TMEM132D: variants seen among roughly 807,000 people sequenced by gnomAD.
TMEM132D encodes the protein transmembrane protein 132D.
Under a neutral mutation model 62.3 loss-of-function variants are expected in TMEM132D, and 21 were observed. The observed-to-expected ratio is 0.34, with a 90% CI of 0.24 to 0.49. The LOEUF (loss-of-function observed/expected upper bound fraction) is 0.49, where lower values mean the gene tolerates loss of function less well. Among genes scored for constraint, TMEM132D ranks in the 20% least tolerant of loss-of-function variants. The probability of loss-of-function intolerance (pLI) is 0.99; values close to 1 mark genes in which losing one functional copy is unlikely to be tolerated. For synonymous variants in TMEM132D, 621 were observed against 575.6 expected (o/e 1.08, Z -1.13); for missense variants, 1,346 against 1,402.8 (o/e 0.96, Z 0.65).
intron 1 of TMEM132D, among the ~76,000 whole-genome samples, chr12:129,729,582 C>T (rs531304022): frequency 4.5e-4 from 69 of 152,132 alleles, no homozygotes; most frequent in Middle Eastern, 6.8e-3. Context: ...TCTGAGTCTG[C>T]GACATCTGCC....
intron 1 of TMEM132D, among the ~76,000 whole-genome samples, chr12:129,850,822 C>T (rs1232401144): frequency 6.6e-6 from 1 of 152,124 alleles, no homozygotes; most frequent in Non-Finnish European, 1.5e-5. Context: ...TTATGCAATG[C>T]CACACACACT....
chr12:129,479,316 A>T (rs767001990), intron 3 of TMEM132D, among the ~76,000 whole-genome samples: 1 of 152,132 alleles, frequency 6.6e-6, no homozygotes, highest in Non-Finnish European at 1.5e-5. Flanking sequence ...AAATTTAAGG[A>T]TCCTGGGCTA....
At chr12:129,610,024 C>T (rs1455288034) in intron 2 of TMEM132D, among the ~76,000 whole-genome samples, 2 of 152,166 alleles carry the variant, frequency 1.3e-5, no homozygotes, top group Non-Finnish European at 2.9e-5. Context: ...AATCCCAACG[C>T]TTTGGGAGAC....
At chr12:129,878,654 G>T (rs565453116) in intron 1 of TMEM132D, among the ~76,000 whole-genome samples, 1 of 151,032 alleles carries the variant, frequency 6.6e-6, no homozygotes, top group Non-Finnish European at 1.5e-5. Flanking sequence ...TCAGCTCATT[G>T]CAACCTCCAC....
At chr12:129,108,126 C>T (rs890604732) in intron 5 of TMEM132D, among the ~76,000 whole-genome samples, 3 of 152,130 alleles carry the variant, frequency 2.0e-5, no homozygotes, top group Admixed American at 2.0e-4. Flanking sequence ...TGAAAATGTG[C>T]CAGACACTTA....
intron 1 of TMEM132D, among the ~76,000 whole-genome samples, chr12:129,833,487 T>G (rs1230702025): frequency 6.6e-6 from 1 of 152,036 alleles, no homozygotes; most frequent in African/African-American, 2.4e-5. Flanking sequence ...CAGCCAGCTG[T>G]GGTGGTGTGC....
At chr12:129,438,598 C>T in intron 3 of TMEM132D, among the ~76,000 whole-genome samples, 1 of 152,118 alleles carries the variant, frequency 6.6e-6, no homozygotes, top group East Asian at 1.9e-4. Context: ...GGTCGGGATA[C>T]TTCTTTTCCT....
chr12:129,683,092 A>G (rs1880825116), intron 2 of TMEM132D: 1 of 152,088 alleles, frequency 6.6e-6, no homozygotes, highest in East Asian at 1.9e-4. Flanking sequence ...ATGTTAAATA[A>G]AGAAAATATT....
intron 3 of TMEM132D, among the ~76,000 whole-genome samples, chr12:129,526,482 A>C (rs776480156): frequency 3.3e-5 from 5 of 152,018 alleles, no homozygotes; most frequent in Non-Finnish European, 7.4e-5. Flanking sequence ...ACGGGGTTTC[A>C]CCATATTGGC....
At chr12:129,220,944 A>G (rs1438907280) in intron 4 of TMEM132D, among the ~76,000 whole-genome samples, 6 of 151,834 alleles carry the variant, frequency 4.0e-5, no homozygotes, top group Admixed American at 6.6e-5. Context: ...CCACTGACCA[A>G]TCAGAGGAGA....
intron 1 of TMEM132D, among the ~76,000 whole-genome samples, chr12:129,865,597 G>T (rs912320297): frequency 1.4e-4 from 21 of 152,146 alleles, no homozygotes; most frequent in African/African-American, 4.6e-4. Flanking sequence ...TGAGTGCAAT[G>T]GTCTGACTTC....
chr12:129,312,698 G>A (rs1882006023), intron 4 of TMEM132D, among the ~76,000 whole-genome samples: 1 of 152,098 alleles, frequency 6.6e-6, no homozygotes, highest in Non-Finnish European at 1.5e-5. Context: ...AGCCTCCTGA[G>A]TAGCTGGGAC....
At chr12:129,501,625 C>T (rs900496346) in intron 3 of TMEM132D, among the ~76,000 whole-genome samples, 1 of 152,078 alleles carries the variant, frequency 6.6e-6, no homozygotes, top group African/African-American at 2.4e-5. Flanking sequence ...CTGCCTCAGC[C>T]TTCTAAATAG....
intron 4 of TMEM132D, among the ~76,000 whole-genome samples, chr12:129,278,742 G>A (rs1446903015): frequency 6.6e-6 from 1 of 152,204 alleles, no homozygotes; most frequent in African/African-American, 2.4e-5. Flanking sequence ...ACCGCTAAAC[G>A]GGTCCCAAAC....
At chr12:129,800,517 T>C (rs1938484777) in intron 1 of TMEM132D, among the ~76,000 whole-genome samples, 1 of 152,106 alleles carries the variant, frequency 6.6e-6, no homozygotes, top group African/African-American at 2.4e-5. Context: ...GAATATGTAA[T>C]TGTGTCTCTA....
At chr12:129,665,547 C>T (rs76517895) in intron 2 of TMEM132D, among the ~76,000 whole-genome samples, 2,018 of 151,860 alleles carry the variant, frequency 0.013, 57 homozygotes, top group African/African-American at 0.047. Flanking sequence ...TGCATTTGAA[C>T]AGTCTACTTA....
chr12:129,895,223 G>A (rs1028928754), intron 1 of TMEM132D, among the ~76,000 whole-genome samples: 13 of 152,218 alleles, frequency 8.5e-5, no homozygotes, highest in Admixed American at 6.5e-4. Flanking sequence ...GCTGGGGTGA[G>A]CGCTAATCCC....
chr12:129,753,335 G>A (rs888508473), intron 1 of TMEM132D, among the ~76,000 whole-genome samples: 2 of 152,192 alleles, frequency 1.3e-5, no homozygotes, highest in African/African-American at 4.8e-5. Flanking sequence ...AATGCAATGT[G>A]GAGAGGCTTT....
chr12:129,555,865 C>T (rs1019325078), intron 2 of TMEM132D, among the ~76,000 whole-genome samples: 1 of 152,170 alleles, frequency 6.6e-6, no homozygotes, highest in Non-Finnish European at 1.5e-5. Flanking sequence ...TATTTAAGTA[C>T]AAAGATTTTC....
Sources: gnomAD v4.1 joint callset for allele counts (sites outside exome capture counted in the v4.1 genomes callset) on GRCh38, gnomAD v4.1.1 for gene constraint, MANE v1.5 for transcripts, NCBI Gene and HGNC (gene_info 2026-07-23, HGNC 2026-07-21) for gene names.